The following DNAH9 variants were observed in gnomAD, a reference collection of about 807,000 sequenced individuals.
DNAH9 encodes DNAH9 variant protein.
A neutral mutation model predicts 471.6 loss-of-function variants in DNAH9; 345 were observed. That is an observed-to-expected ratio of 0.73 (90% CI 0.67 to 0.80). The LOEUF (loss-of-function observed/expected upper bound fraction) is 0.80. Ranked by LOEUF, DNAH9 falls within the 30% of genes least tolerant of loss-of-function variation. The pLI, the probability that DNAH9 is intolerant of heterozygous loss-of-function variation, is 0.00. For synonymous variants in DNAH9, 2,093 were observed against 2,123.6 expected, an observed-to-expected ratio of 0.99 and a Z score of 0.40; for missense variants, 5,407 against 5,609.2, an observed-to-expected ratio of 0.96 and a Z score of 1.15.
intron 48 of DNAH9, among the ~76,000 whole-genome samples, chr17:11,826,731 G>A (rs1415109603): frequency 1.3e-5 from 2 of 151,328 alleles, no homozygotes; most frequent in Admixed American, 1.3e-4. Context: ...CAAAGTGCTG[G>A]GATTACAAGT....
intron 36 of DNAH9, among the ~76,000 whole-genome samples, chr17:11,765,943 A>G (rs572075341): frequency 6.6e-6 from 1 of 152,308 alleles, no homozygotes; most frequent in African/African-American, 2.4e-5. Context: ...GGATGAAAAT[A>G]TGTGATCAAT....
chr17:11,727,348 G>GT (rs747657935), intron 27 of DNAH9, among the ~76,000 whole-genome samples: 1 of 151,902 alleles, frequency 6.6e-6, no homozygotes, highest in Non-Finnish European at 1.5e-5. Flanking sequence ...TTTGGTTTTT[G>GT]TTTTTTTAAC....
intron 41 of DNAH9, among the ~76,000 whole-genome samples, chr17:11,784,797 G>A (rs1744655063): frequency 6.6e-6 from 1 of 152,134 alleles, no homozygotes. Context: ...CCTGGGGGCT[G>A]CAGAAGGCTC....
At chr17:11,885,394 G>A (rs1255110760) in intron 56 of DNAH9, among the ~76,000 whole-genome samples, 3 of 152,210 alleles carry the variant, frequency 2.0e-5, no homozygotes, top group Non-Finnish European at 2.9e-5. Context: ...GTATAGGGCT[G>A]TGTAAACCAT....
At chr17:11,751,460 C>A (rs1967147751) in intron 32 of DNAH9, among the ~76,000 whole-genome samples, 1 of 151,840 alleles carries the variant, frequency 6.6e-6, no homozygotes, top group Non-Finnish European at 1.5e-5. Flanking sequence ...TTGTTTTTAA[C>A]AGTATTAACA....
chr17:11,879,982 C>T (rs1464895256), intron 53 of DNAH9, 96 bp from the exon 54 acceptor site: 7 of 1,427,170 alleles, frequency 4.9e-6, no homozygotes, highest in Non-Finnish European at 9.6e-7. Context: ...CCAACTATAC[C>T]ACCATGTCTT....
chr17:11,620,391 T>C lies in DNAH9; in HGVS notation c.1350+610T>C, dbSNP rs144137238. 2.1e-3 allele frequency among the ~76,000 whole-genome samples: 317 copies of C among 151,594 alleles called. 4 individuals are homozygous for C. Among genetic ancestry groups the C allele is most frequent in the African/African-American group, 7.4e-3 (304 of 41,276 alleles). ...AGCCAGGTGTGGTGGCACACGCCTG[T>C]AATCCCAGCTACTCGGGAGGCCGAG... On this transcript the variant is annotated intron_variant, in intron 6 of 68. Transcript: ENST00000262442.
At chr17:11,774,663 T>C (rs1401430521) in intron 38 of DNAH9, among the ~76,000 whole-genome samples, 1 of 152,164 alleles carries the variant, frequency 6.6e-6, no homozygotes, top group Non-Finnish European at 1.5e-5. Context: ...GGAGCTACAA[T>C]TCAAGATGAG....
intron 22 of DNAH9, among the ~76,000 whole-genome samples, chr17:11,694,929 G>T (rs73290874): frequency 2.9e-4 from 41 of 139,990 alleles, no homozygotes; most frequent in African/African-American, 1.1e-3. Context: ...TTGCTCTGTC[G>T]CCCAGACTGG....
chr17:11,831,289 G>A (rs1970677392), intron 48 of DNAH9, among the ~76,000 whole-genome samples: 1 of 152,180 alleles, frequency 6.6e-6, no homozygotes, highest in Non-Finnish European at 1.5e-5. Context: ...CATGGTGGAA[G>A]GGAAAGTGGA....
At chr17:11,722,725 A>G (rs538484563) in intron 27 of DNAH9, among the ~76,000 whole-genome samples, 3 of 152,294 alleles carry the variant, frequency 2.0e-5, no homozygotes, top group African/African-American at 7.2e-5. Flanking sequence ...AAGCAAAGGT[A>G]AAGTTATTGC....
rs1254752523 is a variant in DNAH9, at chr17:11,932,853, C to T, written c.12297+648C>T. On this transcript the variant is annotated intron_variant, in intron 64 of 68. Transcript: ENST00000262442. The surrounding 1 kb of genome is among the most constrained non-coding windows in gnomAD (Gnocchi z 4.3). ...CTGTGATCAGCAGGAAGAGACTTCA[C>T]ACTCGCCTGATATAAGTTCCCAAAC... Among the ~76,000 whole-genome samples the T allele has an allele frequency of 6.6e-6, 1 of 152,180 alleles. No homozygotes were observed. The highest frequency in any genetic ancestry group is 2.4e-5 in the African/African-American group (1 of 41,444).
At chr17:11,933,805 C>T (rs1034782172) in intron 64 of DNAH9, 75 bp from the exon 65 acceptor site, 19 of 1,404,624 alleles carry the variant, frequency 1.4e-5, no homozygotes, top group Non-Finnish European at 1.9e-5. Context: ...TCTGTGCTGC[C>T]CAGATGGGAG....
rs570415867 is a variant in DNAH9, at chr17:11,611,744, C to T, written c.868C>T (p.Pro290Ser). The change falls in exon 4 of 69, where the codon CCA becomes TCA. Residue 290 changes from proline (P) to serine (S), a missense_variant. This residue lies in a region of DNAH9 where 767 missense variants were observed against 692.5 expected (regional missense o/e 1.11). Coordinates refer to ENST00000262442, the MANE Select transcript of DNAH9 (RefSeq NM_001372.4). ...GGACAAGCTTCAGAGTAGCTACTTT[C>T]CAGCTTTCAAAGCCATGTACAGAGA... ...LLDKLQSSYF[P>S]AFKAMYRDVV... The T allele has an allele frequency of 6.2e-6, 10 of 1,614,132 alleles. No homozygotes were observed. In the East Asian group the frequency reaches 2.0e-4, roughly 32 times the overall value.
At chr17:11,739,695 C>T (rs541065484) in intron 29 of DNAH9, among the ~76,000 whole-genome samples, 3 of 152,132 alleles carry the variant, frequency 2.0e-5, no homozygotes, top group Non-Finnish European at 4.4e-5. Context: ...TACCGGTGGA[C>T]ATTGCCATAT....
At chr17:11,598,947 A>C in intron 1 of DNAH9, 32 bp downstream of exon 1, 1 of 1,419,594 alleles carries the variant, frequency 7.0e-7, no homozygotes, top group Non-Finnish European at 9.2e-7. Flanking sequence ...CGCGCGGCTA[A>C]AGCTGGGTGG....
At position 11,932,330 on chromosome 17, in the gene DNAH9, C is replaced by G; in HGVS notation, c.12297+125C>G. The G allele has an allele frequency of 5.1e-6, 5 of 978,870 alleles. No homozygotes were observed. Among genetic ancestry groups the G allele is most frequent in the South Asian group, 1.8e-5 (1 of 56,222 alleles). 60.6% of individuals were successfully genotyped at this position (978,870 alleles called of 1,614,324 possible). A position where few individuals can be genotyped will look rare whatever the true frequency, so the allele number is the denominator to read the frequency against. ...AATGTGCATTTCTAACAAGCTCCCTCGTGATGCAGATGCTGCTGATTCGGG... is the reference window on the plus strand; with the variant it reads ...AATGTGCATTTCTAACAAGCTCCCTGGTGATGCAGATGCTGCTGATTCGGG... On this transcript the variant is annotated intron_variant, in intron 64 of 68. Transcript: ENST00000262442. The surrounding 1 kb of genome is among the most constrained non-coding windows in gnomAD (Gnocchi z 4.3).
intron 41 of DNAH9, among the ~76,000 whole-genome samples, chr17:11,786,854 T>C (rs1328259566): frequency 1.3e-5 from 2 of 152,134 alleles, no homozygotes; most frequent in Non-Finnish European, 2.9e-5. Context: ...TCAGTTAGCC[T>C]GAGTGGAAAC....
At chr17:11,629,702 A>G in intron 7 of DNAH9, 118 bp downstream of exon 7, 1 of 877,850 alleles carries the variant, frequency 1.1e-6, no homozygotes, top group Non-Finnish European at 1.7e-6. Flanking sequence ...CTGTGGTCCC[A>G]GTGGTTTTGC....
Sources: gnomAD v4.1 joint callset for allele counts (sites outside exome capture counted in the v4.1 genomes callset) on GRCh38, gnomAD v4.1.1 for gene constraint, gnomAD v4.1.1 regional missense constraint, Gnocchi (gnomAD v3.1) non-coding constraint, MANE v1.5 for transcripts, NCBI Gene and HGNC (gene_info 2026-07-23, HGNC 2026-07-21) for gene names.